The following BYSL variants were observed in gnomAD, a reference collection of about 807,000 sequenced individuals.
The protein encoded by BYSL is bystin.
BYSL carries 21 observed loss-of-function variants against 45.4 expected under a neutral mutation model. The ratio of observed to expected loss-of-function variants is 0.46; its 90% CI spans 0.33 to 0.67. BYSL has a LOEUF of 0.67. Ranked by LOEUF, BYSL falls within the 30% of genes least tolerant of loss-of-function variation. The pLI is 0.02. For missense variants in BYSL, 522 were observed against 578.5 expected (o/e 0.90, Z 1.00); for synonymous variants, 215 against 231.3 (o/e 0.93, Z 0.64).
At chr6:41,921,423 G>GGC, upstream of BYSL, 1 of 1,234,622 alleles carries the variant, frequency 8.1e-7, no homozygotes. Context: ...CGGCGCTGAT[G>GGC]GCGCTTCTGG....
At chr6:41,931,045 G>A (rs1775631094) in intron 4 of BYSL, among the ~76,000 whole-genome samples, 2 of 105,270 alleles carry the variant, frequency 1.9e-5, no homozygotes, top group Admixed American at 8.7e-5. Flanking sequence ...TAGGGGAGAG[G>A]CTTTTATAGC....
chr6:41,927,360 C>T lies in BYSL; in HGVS notation c.269-14C>T. 1.9e-6 allele frequency: 3 copies of T among 1,613,308 alleles called. No individual in the cohort carries two copies. The highest frequency in any genetic ancestry group is 2.5e-6 in the Non-Finnish European group (3 of 1,179,492). On this transcript the variant is annotated splice_polypyrimidine_tract_variant and intron_variant, in intron 1 of 6. Transcript: ENST00000230340. ...CTTTTGCTGTGCTCATCCATTTAGT[C>T]TCCCCTCTTCTAGGTCCAAGAATGC...
intron 3 of BYSL, 125 bp downstream of exon 3, chr6:41,930,395 AAG>A: frequency 7.3e-7 from 1 of 1,362,222 alleles, no homozygotes; most frequent in Non-Finnish European, 9.8e-7. Flanking sequence ...AAACAGACCT[AAG>A]AGGCAGAGTG....
chr6:41,921,110 C>CCTTCAG, upstream of BYSL: 3 of 1,538,366 alleles, frequency 2.0e-6, no homozygotes, highest in Non-Finnish European at 2.7e-6. Context: ...CCAACACAAC[C>CCTTCAG]TTCTGTCTCA....
At chr6:41,919,173 C>T (rs964678862), upstream of BYSL, among the ~76,000 whole-genome samples, 1 of 143,216 alleles carries the variant, frequency 7.0e-6, no homozygotes, top group Non-Finnish European at 1.5e-5. Context: ...AAGTACAGCA[C>T]AAAGAGGTTA....
upstream of BYSL, among the ~76,000 whole-genome samples, chr6:41,919,935 G>A (rs1775416925): frequency 6.6e-6 from 1 of 152,164 alleles, no homozygotes; most frequent in East Asian, 1.9e-4. Flanking sequence ...GCTACCAGGA[G>A]GAAAAGTATT....
upstream of BYSL, chr6:41,920,762 C>G: frequency 2.2e-6 from 1 of 447,098 alleles, no homozygotes. Context: ...AGAGCGAGAC[C>G]CCGTCTTAAA....
rs1405846546 is a variant in BYSL at position 41,921,829 on chromosome 6, G to A, written c.267G>A (p.Leu89=). ...PAAPRERTTR[L]GPRMPQDGSD... ...CGCCGCGGGAACGCACCACGCGGCT[G>A]GGTGAGTGTCTGGGATGAGGTCCGA... Residue 89 remains leucine (L), a splice_region_variant and synonymous_variant, in exon 1 of 7, where the codon CTG becomes CTA. Coordinates refer to ENST00000230340, the MANE Select transcript of BYSL (RefSeq NM_004053.4). 3 of 1,610,254 alleles carry A rather than the reference G, an allele frequency of 1.9e-6. No individual in the cohort carries two copies. Among genetic ancestry groups the A allele is most frequent in the Non-Finnish European group, 1.7e-6 (2 of 1,178,668 alleles).
intron 1 of BYSL, 95 bp downstream of exon 1, chr6:41,921,925 C>T: frequency 1.4e-6 from 2 of 1,451,000 alleles, no homozygotes; most frequent in South Asian, 2.8e-5. Context: ...TGCTTCGAGT[C>T]AACAAAGGGG....
At chr6:41,917,614 G>C, upstream of BYSL, 1 of 377,124 alleles carries the variant, frequency 2.7e-6, no homozygotes, top group Non-Finnish European at 5.5e-6. Context: ...TCTCGCACCA[G>C]GGCAATGAAC....
At chr6:41,925,465 A>G (rs1441884435) in intron 1 of BYSL, among the ~76,000 whole-genome samples, 1 of 147,136 alleles carries the variant, frequency 6.8e-6, no homozygotes, top group Non-Finnish European at 1.5e-5. Context: ...CCGGGTTCAC[A>G]CCATTCTCCT....
upstream of BYSL, among the ~76,000 whole-genome samples, chr6:41,919,080 G>T (rs1022136542): frequency 8.1e-5 from 11 of 135,840 alleles, no homozygotes; most frequent in Non-Finnish European, 1.7e-4. Context: ...AGTGAGCCGA[G>T]ATCACGCCAC....
chr6:41,926,053 A>G (rs1013475582), intron 1 of BYSL, among the ~76,000 whole-genome samples: 1 of 152,238 alleles, frequency 6.6e-6, no homozygotes, highest in Non-Finnish European at 1.5e-5. Context: ...AAGGCCCTCC[A>G]GTCTGGCTTC....
At chr6:41,929,918 T>G (rs74675084) in intron 2 of BYSL, among the ~76,000 whole-genome samples, 1 of 152,256 alleles carries the variant, frequency 6.6e-6, no homozygotes, top group Non-Finnish European at 1.5e-5. Context: ...AGCTTTGTCC[T>G]AAATGGAATG....
the BYSL span, chr6:41,909,341 GTACC>G: frequency 6.2e-7 from 1 of 1,614,114 alleles, no homozygotes; most frequent in South Asian, 1.1e-5. Context: ...CACAGTACTG[GTACC>G]TGGTGCCCCG....
chr6:41,910,462 T>C, the BYSL span, among the ~76,000 whole-genome samples: 4 of 150,986 alleles, frequency 2.6e-5, no homozygotes, highest in East Asian at 8.0e-4. Context: ...TGAAAACATG[T>C]CTCTACTAAA....
At chr6:41,912,184 G>A in the BYSL span, among the ~76,000 whole-genome samples, 1 of 148,904 alleles carries the variant, frequency 6.7e-6, no homozygotes, top group East Asian at 2.0e-4. Flanking sequence ...ATGTAGCTGG[G>A]ACCACCATGC....
chr6:41,921,949 T>TG, intron 1 of BYSL, 119 bp downstream of exon 1: 1 of 1,377,524 alleles, frequency 7.3e-7, no homozygotes, highest in Non-Finnish European at 9.6e-7. Flanking sequence ...GTATTACACT[T>TG]GCAAAGGAGA....
At chr6:41,922,750 A>G (rs1775504734) in intron 1 of BYSL, among the ~76,000 whole-genome samples, 1 of 152,334 alleles carries the variant, frequency 6.6e-6, no homozygotes, top group Non-Finnish European at 1.5e-5. Flanking sequence ...CCAGATTCTT[A>G]TATTCAACTG....
Sources: gnomAD v4.1 joint callset for allele counts (sites outside exome capture counted in the v4.1 genomes callset) on GRCh38, gnomAD v4.1.1 for gene constraint, MANE v1.5 for transcripts, NCBI Gene and HGNC (gene_info 2026-07-23, HGNC 2026-07-21) for gene names.